Variants in MECOM observed in about 807,000 individuals in gnomAD.
The protein encoded by MECOM is MDS1 and EVI1 complex locus, also known as histone-lysine N-methyltransferase MECOM.
MECOM carries 13 observed loss-of-function variants against 116.3 expected under a neutral mutation model. The ratio of observed to expected loss-of-function variants is 0.11; its 90% confidence interval spans 0.07 to 0.18. The LOEUF is 0.18. MECOM is among the 10% of genes least tolerant of loss of function. MECOM has a pLI of 1.00. For synonymous variants in MECOM, 528 were observed against 535.2 expected, an observed-to-expected ratio of 0.99 and a Z score of 0.19; for missense variants, 1,299 against 1,509.0, an observed-to-expected ratio of 0.86 and a Z score of 2.31.
intron 2 of MECOM, among the ~76,000 whole-genome samples, chr3:169,300,318 T>C (rs79660560): frequency 6.6e-6 from 1 of 152,202 alleles, no homozygotes; most frequent in Non-Finnish European, 1.5e-5. Flanking sequence ...TAAATAATCA[T>C]AATTTACATA....
chr3:169,646,487 A>T (rs1774207962), intron 1 of MECOM, among the ~76,000 whole-genome samples: 1 of 152,122 alleles, frequency 6.6e-6, no homozygotes, highest in African/African-American at 2.4e-5. Flanking sequence ...TAAAAAATTA[A>T]AAAAGAACTA....
chr3:169,411,049 C>T (rs1737480655), intron 1 of MECOM, among the ~76,000 whole-genome samples: 1 of 152,078 alleles, frequency 6.6e-6, no homozygotes. Flanking sequence ...TGAATATATG[C>T]ATATACATAG....
intron 2 of MECOM, among the ~76,000 whole-genome samples, chr3:169,375,731 G>A (rs1730908947): frequency 6.6e-6 from 1 of 152,078 alleles, no homozygotes; most frequent in Admixed American, 6.6e-5. Flanking sequence ...CAGATTCACA[G>A]GTGAATTCTA....
chr3:169,183,728 C>G (rs961791400), intron 2 of MECOM, among the ~76,000 whole-genome samples: 1 of 140,538 alleles, frequency 7.1e-6, no homozygotes, highest in African/African-American at 2.6e-5. Flanking sequence ...GTAGAAGCAA[C>G]TGATACGTTA....
chr3:169,474,002 A>G (rs1749964475), intron 1 of MECOM, among the ~76,000 whole-genome samples: 2 of 152,316 alleles, frequency 1.3e-5, no homozygotes, highest in South Asian at 4.1e-4. Context: ...ACGACTCAAC[A>G]GGACAGATTG....
chr3:169,418,694 C>A (rs1371006442), intron 1 of MECOM, among the ~76,000 whole-genome samples: 8 of 152,156 alleles, frequency 5.3e-5, no homozygotes, highest in African/African-American at 1.9e-4. Context: ...TAAAATTCAA[C>A]ACCCCTTCAC....
rs149208465 is a variant in MECOM, at chr3:169,329,662, G to A, written c.375+51525C>T. On this transcript the variant is annotated intron_variant, in intron 2 of 16. Transcript: ENST00000651503. ...GAATTTTATAACCTACCCTGCCCCA[G>A]TATTTCCTTATATAAATGGGTGACA... is the stretch of plus-strand genomic sequence containing the variant. 7.8e-4 allele frequency among the ~76,000 whole-genome samples: 119 copies of A among 152,246 alleles called. No homozygotes were observed. The East Asian group carries it at 0.022, about 28-fold the overall frequency.
chr3:169,175,260 C>T (rs1217145277), intron 2 of MECOM, among the ~76,000 whole-genome samples: 1 of 152,072 alleles, frequency 6.6e-6, no homozygotes, highest in Non-Finnish European at 1.5e-5. Flanking sequence ...GTTGAGCATT[C>T]CTAATCCAAA....
chr3:169,362,963 G>A (rs1176791706), intron 2 of MECOM, among the ~76,000 whole-genome samples: 1 of 151,800 alleles, frequency 6.6e-6, no homozygotes, highest in Admixed American at 6.6e-5. Flanking sequence ...GCAAATTAAT[G>A]TTCTGTGTAC....
At chr3:169,418,476 T>C (rs953261777) in intron 1 of MECOM, among the ~76,000 whole-genome samples, 1 of 152,166 alleles carries the variant, frequency 6.6e-6, no homozygotes, top group Non-Finnish European at 1.5e-5. Context: ...ATATCCCGGA[T>C]GAACATCAAT....
intron 2 of MECOM, among the ~76,000 whole-genome samples, chr3:169,222,694 G>A (rs2149500253): frequency 6.6e-6 from 1 of 152,292 alleles, no homozygotes; most frequent in East Asian, 1.9e-4. Flanking sequence ...AAGGGCCAGA[G>A]GTACACCAAA....
At chr3:169,170,403 C>CAAAAAAAAAAA (rs71634426) in intron 2 of MECOM, among the ~76,000 whole-genome samples, 1 of 74,366 alleles carries the variant, frequency 1.3e-5, no homozygotes. Flanking sequence ...AAGACTCTGT[C>CAAAAAAAAAAA]AAAAAAAAAA....
chr3:169,493,819 A>G (rs1753453049), intron 1 of MECOM, among the ~76,000 whole-genome samples: 1 of 152,176 alleles, frequency 6.6e-6, no homozygotes, highest in African/African-American at 2.4e-5. Flanking sequence ...AACAAGATAA[A>G]GGGCAGGAGA....
chr3:169,618,781 T>G (rs1465984620), intron 1 of MECOM, among the ~76,000 whole-genome samples: 10 of 152,216 alleles, frequency 6.6e-5, no homozygotes, highest in Admixed American at 6.5e-4. Context: ...TAATATTAAT[T>G]TGCCTTTTGC....
chr3:169,215,176 GA>G (rs528181635), intron 2 of MECOM, among the ~76,000 whole-genome samples: 5 of 140,372 alleles, frequency 3.6e-5, no homozygotes, highest in East Asian at 2.1e-4. Context: ...ACACTAATGT[GA>G]AAAAAAAAGC....
intron 2 of MECOM, among the ~76,000 whole-genome samples, chr3:169,211,229 T>C (rs1370736171): frequency 1.3e-5 from 2 of 152,148 alleles, no homozygotes; most frequent in African/African-American, 4.8e-5. Flanking sequence ...GTGTGCGATC[T>C]CTCTCTTTTG....
intron 1 of MECOM, among the ~76,000 whole-genome samples, chr3:169,545,678 C>T (rs532120928): frequency 1.3e-5 from 2 of 152,312 alleles, no homozygotes; most frequent in East Asian, 3.9e-4. Context: ...ACATCTCTGT[C>T]CTGGTCCAGT....
At chr3:169,257,770 C>A (rs1757027425) in intron 2 of MECOM, among the ~76,000 whole-genome samples, 1 of 152,118 alleles carries the variant, frequency 6.6e-6, no homozygotes, top group East Asian at 1.9e-4. Flanking sequence ...TCAAGTAAAA[C>A]CCGTGAGCTG....
At position 169,584,689 on chromosome 3, in the gene MECOM, TAAAC is replaced by T. The variant is rs375148130; in HGVS notation, c.37+78643_37+78646del. ...CAATTGAATTTGAGTATACTACTGG[TAAAC>T]TACTGTGTATTTCTAAAGAAAGTGG... is the stretch of plus-strand genomic sequence containing the variant. On this transcript the variant is annotated intron_variant, in intron 1 of 16. Coordinates refer to ENST00000651503, the MANE Select transcript of MECOM (RefSeq NM_004991.4). 3.0e-3 allele frequency among the ~76,000 whole-genome samples: 453 copies of T among 152,288 alleles called. 2 individuals carry two copies. Among genetic ancestry groups the T allele is most frequent in the Non-Finnish European group, 4.8e-3 (328 of 68,012 alleles).
Sources: gnomAD v4.1 joint callset for allele counts (sites outside exome capture counted in the v4.1 genomes callset) on GRCh38, gnomAD v4.1.1 for gene constraint, MANE v1.5 for transcripts, NCBI Gene and HGNC (gene_info 2026-07-23, HGNC 2026-07-21) for gene names.